SCUBE1: variants seen among roughly 807,000 people sequenced by gnomAD.
SCUBE1 encodes the protein signal peptide, CUB and EGF-like domain-containing protein 1.
In SCUBE1, 59 loss-of-function variants were observed where a neutral mutation model predicts 124.4. The ratio of observed to expected loss-of-function variants is 0.47; its 90% confidence interval spans 0.38 to 0.59. SCUBE1 has a LOEUF of 0.59. Among genes scored for constraint, SCUBE1 ranks in the 20% least tolerant of loss-of-function variants. The pLI is 0.00. For synonymous variants in SCUBE1, 545 were observed against 550.9 expected, an observed-to-expected ratio of 0.99 and a Z score of 0.15; for missense variants, 1,150 against 1,371.2, an observed-to-expected ratio of 0.84 and a Z score of 2.55.
intron 4 of SCUBE1, among the ~76,000 whole-genome samples, chr22:43,274,798 G>A (rs960072921): frequency 3.9e-5 from 6 of 152,218 alleles, no homozygotes; most frequent in African/African-American, 1.4e-4. Context: ...GCCTGGGGCT[G>A]GAGTCCCGGC....
chr22:43,305,052 C>T (rs1328959202), intron 3 of SCUBE1, among the ~76,000 whole-genome samples: 1 of 152,172 alleles, frequency 6.6e-6, no homozygotes, highest in Admixed American at 6.5e-5. Context: ...CCAATAATCA[C>T]CCCCACTGCC....
chr22:43,247,538 A>C (rs566732239), intron 6 of SCUBE1, among the ~76,000 whole-genome samples: 1 of 152,310 alleles, frequency 6.6e-6, no homozygotes, highest in African/African-American at 2.4e-5. Flanking sequence ...CTTGGGTCAG[A>C]CCAGGAAATC....
intron 1 of SCUBE1, among the ~76,000 whole-genome samples, chr22:43,342,089 G>A (rs898857029): frequency 2.0e-4 from 31 of 152,004 alleles, no homozygotes; most frequent in African/African-American, 6.8e-4. Context: ...TAGACCCTAC[G>A]CCACCCATAC....
chr22:43,281,736 GC>G (rs1356090528), intron 4 of SCUBE1, among the ~76,000 whole-genome samples: 2 of 152,258 alleles, frequency 1.3e-5, no homozygotes, highest in Non-Finnish European at 2.9e-5. Flanking sequence ...GCTCTCTCTG[GC>G]CCCACTCCCT....
chr22:43,324,443 C>A lies in SCUBE1; in HGVS notation c.221-4378G>T, dbSNP rs75055793. On this transcript the variant is annotated intron_variant, in intron 2 of 21. Coordinates refer to ENST00000360835, the MANE Select transcript of SCUBE1 (RefSeq NM_173050.5). ...AACCAGTTCCTCTCCAATCCCCAGG[C>A]CTGCTGTGGCAGCCAGCTTTACCTC... is the stretch of plus-strand genomic sequence containing the variant. Among the ~76,000 whole-genome samples the A allele has an allele frequency of 2.5e-3, 375 of 152,294 alleles. 2 individuals are homozygous for A. The highest frequency in any genetic ancestry group is 8.6e-3 in the African/African-American group (358 of 41,564).
chr22:43,222,569 C>A (rs1187539019), intron 12 of SCUBE1, 69 bp downstream of exon 12: 6 of 1,240,630 alleles, frequency 4.8e-6, no homozygotes, highest in South Asian at 1.3e-5. Context: ...TTTCCTCCCC[C>A]GCCAGCATGT....
chr22:43,220,426 C>T (rs771255027), intron 14 of SCUBE1, 24 bp downstream of exon 14: 1 of 1,609,174 alleles, frequency 6.2e-7, no homozygotes, highest in Non-Finnish European at 8.5e-7. Flanking sequence ...CCTGCAGAAG[C>T]CCCCAGGAGA....
chr22:43,276,669 G>A (rs1456817121), intron 4 of SCUBE1, among the ~76,000 whole-genome samples: 3 of 152,236 alleles, frequency 2.0e-5, no homozygotes, highest in African/African-American at 7.2e-5. Context: ...CTTTCCATGC[G>A]TAGGGCCTGT....
intron 4 of SCUBE1, among the ~76,000 whole-genome samples, chr22:43,268,255 C>T (rs983937933): frequency 6.6e-6 from 1 of 152,226 alleles, no homozygotes; most frequent in African/African-American, 2.4e-5. Flanking sequence ...CTGTGGCTCC[C>T]GGATTTGTGT....
rs1032122565 is a variant in SCUBE1 at position 43,210,914 on chromosome 22, G to T, written c.2383+8C>A. The T allele has an allele frequency of 6.2e-7, 1 of 1,613,842 alleles. No individual in the cohort carries two copies. Among genetic ancestry groups the T allele is most frequent in the Non-Finnish European group, 8.5e-7 (1 of 1,179,884 alleles). On this transcript the variant is annotated splice_region_variant and intron_variant, in intron 18 of 21. Coordinates refer to ENST00000360835, the MANE Select transcript of SCUBE1 (RefSeq NM_173050.5). The surrounding 1 kb of genome is among the most constrained non-coding windows in gnomAD (Gnocchi z 4.5). Reference sequence around the variant, plus strand: ...CCCAGCTTCCCACGGCAGAGCAGCAGCACCCACTTTTGCAGTGTGTGACGT... The same window carrying T: ...CCCAGCTTCCCACGGCAGAGCAGCATCACCCACTTTTGCAGTGTGTGACGT...
intron 3 of SCUBE1, among the ~76,000 whole-genome samples, chr22:43,311,691 T>C (rs375852184): frequency 2.0e-5 from 3 of 152,166 alleles, no homozygotes; most frequent in African/African-American, 4.8e-5. Context: ...TCTCTCAAAG[T>C]GCTGGGATTA....
chr22:43,304,302 A>G (rs140000391), intron 3 of SCUBE1, among the ~76,000 whole-genome samples: 1 of 152,352 alleles, frequency 6.6e-6, no homozygotes, highest in East Asian at 1.9e-4. Flanking sequence ...TTGTTCACTC[A>G]GTCACTTGGC....
chr22:43,269,803 C>T (rs2146720705), intron 4 of SCUBE1, among the ~76,000 whole-genome samples: 1 of 152,268 alleles, frequency 6.6e-6, no homozygotes, highest in Middle Eastern at 3.4e-3. Context: ...CAAACACGAG[C>T]TCCCACCAAC....
chr22:43,302,848 G>C (rs556970959), intron 3 of SCUBE1, among the ~76,000 whole-genome samples: 3 of 152,358 alleles, frequency 2.0e-5, no homozygotes, highest in African/African-American at 7.2e-5. Flanking sequence ...GAAAGAAGGA[G>C]GAAACGCTCC....
Position 43,313,923 on chromosome 22 carries a change from G to A in SCUBE1, c.349+6014C>T, listed in dbSNP as rs117951204. Among the ~76,000 whole-genome samples, 168 of 152,312 alleles carry A rather than the reference G, an allele frequency of 1.1e-3. 6 individuals are homozygous for A. In the East Asian group the frequency reaches 0.031, roughly 28 times the overall value. ...TCAAACTGGCCTGTTTATTTCTAAG[G>A]TGATCAGGGTTTTATCCCAGCCCCC... On this transcript the variant is annotated intron_variant, in intron 3 of 21. Transcript: ENST00000360835.
chr22:43,281,917 G>A (rs573882455), intron 4 of SCUBE1: 1 of 152,678 alleles, frequency 6.5e-6, no homozygotes, highest in South Asian at 2.1e-4. Flanking sequence ...TCAGGCTCCT[G>A]GGCCCATTGT....
intron 2 of SCUBE1, among the ~76,000 whole-genome samples, chr22:43,331,859 G>A (rs1324466453): frequency 3.3e-5 from 5 of 152,190 alleles, no homozygotes; most frequent in African/African-American, 9.7e-5. Context: ...CCCAGGGGCC[G>A]GATGAGCCGG....
At chr22:43,330,903 T>C (rs983706728) in intron 2 of SCUBE1, among the ~76,000 whole-genome samples, 1 of 152,170 alleles carries the variant, frequency 6.6e-6, no homozygotes, top group Non-Finnish European at 1.5e-5. Flanking sequence ...TTAGCATGCA[T>C]AATTGCATGT....
At chr22:43,214,047 G>GGGGGGCCCCCCCC in intron 16 of SCUBE1, 43 bp downstream of exon 16, 1 of 143,440 alleles carries the variant, frequency 7.0e-6, no homozygotes, top group Non-Finnish European at 1.3e-5. Context: ...AGGAGCCCCC[G>GGGGGGCCCCCCCC]CCCACCCCCC....
Sources: allele counts gnomAD v4.1 joint callset (sites outside exome capture counted in the v4.1 genomes callset), GRCh38; gene constraint gnomAD v4.1.1; non-coding constraint Gnocchi (gnomAD v3.1); transcripts MANE v1.5; gene names NCBI Gene and HGNC (gene_info 2026-07-23, HGNC 2026-07-21).